The following SLC25A13 variants were observed in gnomAD, a reference collection of about 807,000 sequenced individuals.
SLC25A13 encodes electrogenic aspartate/glutamate antiporter SLC25A13, mitochondrial.
Under a neutral mutation model 85.5 loss-of-function variants are expected in SLC25A13, and 70 were observed. The ratio of observed to expected loss-of-function variants is 0.82; its 90% CI spans 0.68 to 1.00. The LOEUF is 1.00. Ranked by LOEUF, SLC25A13 falls within the 50% of genes least tolerant of loss-of-function variation. The probability of loss-of-function intolerance (pLI) is 0.00; values close to 1 mark genes in which losing one functional copy is unlikely to be tolerated. For synonymous variants in SLC25A13, 259 were observed against 288.7 expected, an observed-to-expected ratio of 0.90 and a Z score of 1.04; for missense variants, 765 against 819.8, an observed-to-expected ratio of 0.93 and a Z score of 0.82.
At chr7:96,264,200 C>T (rs1797960987) in intron 3 of SLC25A13, among the ~76,000 whole-genome samples, 1 of 152,186 alleles carries the variant, frequency 6.6e-6, no homozygotes, top group Non-Finnish European at 1.5e-5. Flanking sequence ...CTGGCCTTAT[C>T]TGAAAAACAT....
At chr7:96,157,575 A>G (rs1354311197) in intron 13 of SLC25A13, among the ~76,000 whole-genome samples, 1 of 152,168 alleles carries the variant, frequency 6.6e-6, no homozygotes, top group Non-Finnish European at 1.5e-5. Flanking sequence ...AGGCTGAGGC[A>G]AGTGGATCAC....
intron 11 of SLC25A13, among the ~76,000 whole-genome samples, chr7:96,174,517 T>A (rs1345931049): frequency 6.6e-6 from 1 of 152,220 alleles, no homozygotes; most frequent in Admixed American, 6.5e-5. Flanking sequence ...TTAAACTACC[T>A]CTTCACAATT....
At position 96,131,649 on chromosome 7, in the gene SLC25A13, T is replaced by C. The variant is rs1040055558; in HGVS notation, c.1591+94A>G. 10 of 1,561,600 alleles carry C rather than the reference T, an allele frequency of 6.4e-6. 1 individual carries two copies. The Admixed American group carries it at 6.7e-5, about 10-fold the overall frequency. On this transcript the variant is annotated intron_variant, in intron 15 of 17. Coordinates refer to ENST00000265631, the MANE Select transcript of SLC25A13 (RefSeq NM_014251.3). ...AACTCACACATACCCTGTCAAGAAC[T>C]ATCAGCAAAAAAATTTCAATGTAGT...
rs1243282367 is a variant in SLC25A13, at chr7:96,171,501, C to T, written c.1201G>A (p.Val401Ile). Residue 401 changes from valine to isoleucine, a missense_variant, in exon 12 of 18, where the codon GTT becomes ATT. Val to Ile is a conservative substitution (Grantham distance 29). Coordinates refer to ENST00000265631, the MANE Select transcript of SLC25A13 (RefSeq NM_014251.3). ...YRGLLPQLLGVAPEKAIKLTV... is the reference protein window; with the variant it reads ...YRGLLPQLLGIAPEKAIKLTV... ...AGTTTTATGGCCTTCTCTGGGGCAA[C>T]TCCCAATAACTGTGGCAACAGACCT... 2.5e-6 allele frequency: 4 copies of T among 1,613,420 alleles called. No individual in the cohort carries two copies. The highest frequency in any genetic ancestry group is 1.7e-4 in the Middle Eastern group (1 of 6,060).
intron 1 of SLC25A13, among the ~76,000 whole-genome samples, chr7:96,317,460 G>A (rs149315517): frequency 5.3e-4 from 81 of 152,018 alleles, no homozygotes; most frequent in Non-Finnish European, 9.4e-4. Context: ...TCTAGTAAGC[G>A]CTCAGTAAGT....
chr7:96,294,045 G>A (rs1389732687), intron 2 of SLC25A13, among the ~76,000 whole-genome samples: 1 of 152,142 alleles, frequency 6.6e-6, no homozygotes, highest in Non-Finnish European at 1.5e-5. Context: ...GTCCATCAAT[G>A]ATAGACTGGA....
intron 2 of SLC25A13, among the ~76,000 whole-genome samples, chr7:96,282,282 G>A (rs1798714071): frequency 6.6e-6 from 1 of 152,046 alleles, no homozygotes; most frequent in Admixed American, 6.6e-5. Context: ...CCCATACCCC[G>A]AGGGCAGGGG....
intron 1 of SLC25A13, among the ~76,000 whole-genome samples, chr7:96,305,969 G>T (rs1584600726): frequency 6.6e-6 from 1 of 152,326 alleles, no homozygotes; most frequent in South Asian, 2.1e-4. Flanking sequence ...TCACTTGAGT[G>T]AGCCCTCCTG....
At chr7:96,161,473 A>T (rs1483449952) in intron 13 of SLC25A13, among the ~76,000 whole-genome samples, 1 of 152,188 alleles carries the variant, frequency 6.6e-6, no homozygotes, top group Non-Finnish European at 1.5e-5. Context: ...CTTGTAGTCA[A>T]GCATTTATTC....
chr7:96,309,021 G>C (rs76244864), intron 1 of SLC25A13, among the ~76,000 whole-genome samples: 92 of 152,346 alleles, frequency 6.0e-4, no homozygotes, highest in African/African-American at 2.2e-3. Flanking sequence ...GGGAGGCAAT[G>C]AAAAGATGTT....
At chr7:96,214,069 T>G (rs1795796636) in intron 4 of SLC25A13, among the ~76,000 whole-genome samples, 1 of 152,230 alleles carries the variant, frequency 6.6e-6, no homozygotes, top group African/African-American at 2.4e-5. Flanking sequence ...AAGGTTCCTT[T>G]TACTTGTGGA....
intron 3 of SLC25A13, among the ~76,000 whole-genome samples, chr7:96,245,933 AT>A (rs112179215): frequency 0.012 from 1,792 of 152,350 alleles, 39 homozygotes; most frequent in African/African-American, 0.041. Context: ...AAAGGTCTCA[AT>A]GTTATTAAAA....
chr7:96,308,164 A>G (rs1227876390), intron 1 of SLC25A13, among the ~76,000 whole-genome samples: 1 of 152,002 alleles, frequency 6.6e-6, no homozygotes, highest in Admixed American at 6.6e-5. Flanking sequence ...CAAAAAAAAA[A>G]AAAAAAAAAA....
chr7:96,124,117 A>G (rs953066073), intron 15 of SLC25A13, among the ~76,000 whole-genome samples: 4 of 152,226 alleles, frequency 2.6e-5, no homozygotes, highest in African/African-American at 9.7e-5. Flanking sequence ...ACCAATTAAA[A>G]AATTACAAGT....
At chr7:96,152,305 T>C (rs1177884007) in intron 13 of SLC25A13, among the ~76,000 whole-genome samples, 1 of 152,100 alleles carries the variant, frequency 6.6e-6, no homozygotes, top group East Asian at 1.9e-4. Context: ...GGTCTGAGCA[T>C]TATCTATGCC....
intron 5 of SLC25A13, among the ~76,000 whole-genome samples, chr7:96,195,079 G>A (rs1260401983): frequency 1.3e-5 from 2 of 152,064 alleles, no homozygotes; most frequent in Non-Finnish European, 2.9e-5. Context: ...TAAAAGCTAA[G>A]GCTTAACTCC....
intron 5 of SLC25A13, among the ~76,000 whole-genome samples, chr7:96,206,349 CTAA>C (rs1393516543): frequency 6.6e-6 from 1 of 152,160 alleles, no homozygotes; most frequent in Admixed American, 6.5e-5. Context: ...ATTAAATTCA[CTAA>C]TATCTTTAAG....
Position 96,184,922 on chromosome 7 carries a change from C to T in SLC25A13, c.1018+5G>A. On this transcript the variant is annotated splice_donor_5th_base_variant and intron_variant, in intron 10 of 17. Coordinates refer to ENST00000265631, the MANE Select transcript of SLC25A13 (RefSeq NM_014251.3). The stretch of plus-strand genomic sequence containing the variant: ...GTGAAAATTTTTCTCTCATCCATGA[C>T]TAACCTCCAGCAACAGAACCCAGAC... 1 of 1,613,384 alleles carries T rather than the reference C, an allele frequency of 6.2e-7. No individual in the cohort carries two copies. The highest frequency in any genetic ancestry group is 8.5e-7 in the Non-Finnish European group (1 of 1,179,276).
At chr7:96,223,552 CCGAG>C (rs1304264589) in intron 4 of SLC25A13, among the ~76,000 whole-genome samples, 1 of 152,144 alleles carries the variant, frequency 6.6e-6, no homozygotes, top group Non-Finnish European at 1.5e-5. Flanking sequence ...CTTTGGGAGG[CCGAG>C]GCGGGTGGAT....
Sources: allele counts gnomAD v4.1 joint callset (sites outside exome capture counted in the v4.1 genomes callset), GRCh38; gene constraint gnomAD v4.1.1; transcripts MANE v1.5; gene names NCBI Gene and HGNC (gene_info 2026-07-23, HGNC 2026-07-21).